The following SHANK2 variants were observed in gnomAD, a reference collection of about 807,000 sequenced individuals.
SHANK2 encodes the protein SH3 and multiple ankyrin repeat domains 2.
SHANK2 carries 43 observed loss-of-function variants against 133.7 expected under a neutral mutation model. That is an observed-to-expected ratio of 0.32 (90% CI 0.25 to 0.41). SHANK2 has a LOEUF of 0.41. Among genes scored for constraint, SHANK2 ranks in the 10% least tolerant of loss-of-function variants. SHANK2 has a pLI of 1.00. For synonymous variants in SHANK2, 1,017 were observed against 952.8 expected, an observed-to-expected ratio of 1.07 and a Z score of -1.24; for missense variants, 1,994 against 2,235.8, an observed-to-expected ratio of 0.89 and a Z score of 2.18.
At chr11:70,646,831 T>TA (rs1555008435) in intron 17 of SHANK2, among the ~76,000 whole-genome samples, 4 of 72,760 alleles carry the variant, frequency 5.5e-5, no homozygotes, top group Non-Finnish European at 1.0e-4. Flanking sequence ...TTTATTTATT[T>TA]TATTTATTTA....
chr11:71,248,777 G>T (rs545942283), intron 1 of SHANK2, among the ~76,000 whole-genome samples: 1 of 152,084 alleles, frequency 6.6e-6, no homozygotes, highest in Non-Finnish European at 1.5e-5. Flanking sequence ...AAACAACCCA[G>T]ACCTCTTCCA....
At chr11:71,171,351 G>A (rs1953310161) in intron 2 of SHANK2, among the ~76,000 whole-genome samples, 1 of 152,176 alleles carries the variant, frequency 6.6e-6, no homozygotes, top group African/African-American at 2.4e-5. Flanking sequence ...AGGTGATGGC[G>A]TAAGTCACTC....
At chr11:71,113,063 C>T (rs1173698036) in intron 5 of SHANK2, among the ~76,000 whole-genome samples, 4 of 152,308 alleles carry the variant, frequency 2.6e-5, no homozygotes, top group African/African-American at 9.6e-5. Context: ...GATCTGCCTC[C>T]CTTCCCCCAG....
intron 17 of SHANK2, among the ~76,000 whole-genome samples, chr11:70,555,472 G>T (rs1464137892): frequency 6.6e-6 from 1 of 152,222 alleles, no homozygotes; most frequent in Admixed American, 6.5e-5. Context: ...TGGGCTGGGT[G>T]GGGCGGCTCA....
At chr11:70,586,180 C>T (rs1335292307) in intron 17 of SHANK2, among the ~76,000 whole-genome samples, 1 of 152,016 alleles carries the variant, frequency 6.6e-6, no homozygotes, top group Non-Finnish European at 1.5e-5. Context: ...GAAGGCTTCT[C>T]TAGGATGTAA....
chr11:71,196,956 C>T (rs566342835), intron 2 of SHANK2, among the ~76,000 whole-genome samples: 3 of 148,422 alleles, frequency 2.0e-5, no homozygotes, highest in Admixed American at 2.0e-4. Context: ...TGAGATAGCG[C>T]CACCGCACTT....
chr11:70,704,583 A>G (rs1945617276), intron 14 of SHANK2, among the ~76,000 whole-genome samples: 1 of 152,202 alleles, frequency 6.6e-6, no homozygotes, highest in Non-Finnish European at 1.5e-5. Context: ...GATGTTCTGT[A>G]GTCTGACTGC....
rs373941184 is a variant in SHANK2 at position 70,952,995 on chromosome 11, C to T, written c.1108-56428G>A. Among the ~76,000 whole-genome samples the T allele has an allele frequency of 3.3e-5, 5 of 152,142 alleles. No individual in the cohort carries two copies. The East Asian group carries it at 7.8e-4, about 24-fold the overall frequency. On this transcript the variant is annotated intron_variant, in intron 10 of 25. Coordinates refer to ENST00000601538, the MANE Select transcript of SHANK2 (RefSeq NM_012309.5). ...CTTCCCAACCTCCTGGCAGCACCAT[C>T]TGATCTCTGCCCCCATCCCACGTCC...
Position 70,486,249 on chromosome 11 carries a change from C to G in SHANK2, c.4044G>C (p.Val1348=). The G allele has an allele frequency of 6.2e-7, 1 of 1,614,046 alleles. No individual in the cohort carries two copies. Among genetic ancestry groups the G allele is most frequent in the Non-Finnish European group, 8.5e-7 (1 of 1,180,034 alleles). Residue 1348 remains valine (V), a synonymous_variant, in exon 25 of 26, where the codon GTG becomes GTC. Transcript: ENST00000601538. This position sits in a 1 kb window ranked among gnomAD's most constrained non-coding sequence, Gnocchi z 8.0. Reference sequence around the variant, plus strand: ...CTTCGGTTTCGGAAACACCTTCTGGCACCTCGGACGGCGAGCTGTCTGGCT... The same window carrying G: ...CTTCGGTTTCGGAAACACCTTCTGGGACCTCGGACGGCGAGCTGTCTGGCT... The part of the protein sequence containing the change: ...EMKPDSSPSE[V]PEGVSETEGA...
intron 17 of SHANK2, among the ~76,000 whole-genome samples, chr11:70,608,643 C>G (rs1406646402): frequency 6.6e-6 from 1 of 152,240 alleles, no homozygotes; most frequent in Non-Finnish European, 1.5e-5. Context: ...GCCCCATCAG[C>G]CGCAGGAGCG....
intron 21 of SHANK2, among the ~76,000 whole-genome samples, chr11:70,497,677 G>T (rs1163758352): frequency 6.6e-6 from 1 of 152,264 alleles, no homozygotes; most frequent in Non-Finnish European, 1.5e-5. Context: ...CTTCAGTGCA[G>T]GTTCCCCTGA....
intron 17 of SHANK2, among the ~76,000 whole-genome samples, chr11:70,588,898 A>G (rs982071145): frequency 2.0e-5 from 3 of 152,184 alleles, no homozygotes; most frequent in Middle Eastern, 3.2e-3. Context: ...GCTCACTGCA[A>G]GCTCCGCCTC....
chr11:71,243,529 C>T (rs1367084415), intron 1 of SHANK2, among the ~76,000 whole-genome samples: 2 of 152,036 alleles, frequency 1.3e-5, no homozygotes, highest in African/African-American at 4.8e-5. Context: ...CCCGTCTCTA[C>T]TAAAAATACA....
In SHANK2 at chr11:71,109,897, C is replaced by T. The variant is rs150612590; in HGVS notation, c.592+44G>A. 7.9e-5 allele frequency: 99 copies of T among 1,246,742 alleles called. 1 individual carries two copies. The highest frequency in any genetic ancestry group is 7.3e-4 in the African/African-American group (49 of 67,216). 77.2% of individuals were successfully genotyped at this position (1,246,742 alleles called of 1,614,324 possible). A position where few individuals can be genotyped will look rare whatever the true frequency, so the allele number is the denominator to read the frequency against. The stretch of plus-strand genomic sequence containing the variant: ...CTGAGCAGTGGGCTGGCCTTCTCTA[C>T]GCTTCCGTAAAGCCTGGTAAGGTCC... On this transcript the variant is annotated intron_variant, in intron 6 of 25. Coordinates refer to ENST00000601538, the MANE Select transcript of SHANK2 (RefSeq NM_012309.5).
chr11:70,544,415 G>A (rs374507679), intron 17 of SHANK2, among the ~76,000 whole-genome samples: 12 of 152,352 alleles, frequency 7.9e-5, no homozygotes, highest in African/African-American at 2.6e-4. Flanking sequence ...GGGGTTTGGA[G>A]GGGGGCAAGG....
At chr11:70,681,380 G>A (rs375524721) in intron 15 of SHANK2, among the ~76,000 whole-genome samples, 21 of 152,288 alleles carry the variant, frequency 1.4e-4, no homozygotes, top group East Asian at 1.4e-3. Context: ...CAGCCTCAGC[G>A]GTAACCTTCT....
At chr11:70,632,388 T>C (rs2061005582) in intron 17 of SHANK2, among the ~76,000 whole-genome samples, 1 of 151,938 alleles carries the variant, frequency 6.6e-6, no homozygotes, top group Admixed American at 6.6e-5. Context: ...GCCTCCCAAC[T>C]GGCGGACTTT....
chr11:71,243,207 T>C (rs1166854615), intron 1 of SHANK2, among the ~76,000 whole-genome samples: 2 of 152,054 alleles, frequency 1.3e-5, no homozygotes, highest in African/African-American at 2.4e-5. Flanking sequence ...AAGGAAATAA[T>C]AAAGGTTAGG....
At chr11:70,653,005 C>T (rs561144) in intron 17 of SHANK2, among the ~76,000 whole-genome samples, 1 of 152,092 alleles carries the variant, frequency 6.6e-6, no homozygotes, top group South Asian at 2.1e-4. Flanking sequence ...TGGAGTCTCG[C>T]TCTGTCACCC....
Sources: gnomAD v4.1 joint callset for allele counts (sites outside exome capture counted in the v4.1 genomes callset) on GRCh38, gnomAD v4.1.1 for gene constraint, Gnocchi (gnomAD v3.1) non-coding constraint, MANE v1.5 for transcripts, NCBI Gene and HGNC (gene_info 2026-07-23, HGNC 2026-07-21) for gene names.